Variants in USP34 observed in about 807,000 individuals in gnomAD.
USP34 encodes ubiquitin specific peptidase 34.
In USP34, 70 loss-of-function variants were observed where a neutral mutation model predicts 460.3. That is an observed-to-expected ratio of 0.15 (90% CI 0.13 to 0.19). The LOEUF (loss-of-function observed/expected upper bound fraction) is 0.19, where lower values mean the gene tolerates loss of function less well. Among genes scored for constraint, USP34 ranks in the 10% least tolerant of loss-of-function variants. USP34 has a pLI of 1.00. For synonymous variants in USP34, 1,647 were observed against 1,405.3 expected, an observed-to-expected ratio of 1.17 and a Z score of -3.85; for missense variants, 3,985 against 4,236.2, an observed-to-expected ratio of 0.94 and a Z score of 1.65.
intron 3 of USP34, among the ~76,000 whole-genome samples, chr2:61,401,022 G>A (rs188890281): frequency 1.1e-4 from 16 of 151,328 alleles, no homozygotes; most frequent in East Asian, 5.9e-4. Context: ...TTTTGGGTGC[G>A]CGCCTGTAGT....
At chr2:61,262,130 TATAG>T (rs59881307) in intron 43 of USP34, among the ~76,000 whole-genome samples, 4,089 of 113,480 alleles carry the variant, frequency 0.036, 185 homozygotes, top group African/African-American at 0.082. Flanking sequence ...TATATATATA[TATAG>T]ATAGATAGAT....
intron 1 of USP34, among the ~76,000 whole-genome samples, chr2:61,428,698 C>T (rs1166564941): frequency 3.9e-5 from 6 of 152,114 alleles, no homozygotes; most frequent in Non-Finnish European, 7.3e-5. Context: ...AAGCAAGCCA[C>T]GGAACGAGCA....
In USP34 at chr2:61,241,834, A is replaced by G; in HGVS notation, c.6628-15T>C. On this transcript the variant is annotated splice_polypyrimidine_tract_variant and intron_variant, in intron 51 of 79. Transcript: ENST00000398571. Reference sequence around the variant, plus strand: ...TAGGTCTTGGTCTGTTTAAAAATACAAAAGTTTTACTTCTTTGAAAAAATG... The same window carrying G: ...TAGGTCTTGGTCTGTTTAAAAATACGAAAGTTTTACTTCTTTGAAAAAATG... The G allele has an allele frequency of 1.4e-6, 2 of 1,456,168 alleles. No individual in the cohort carries two copies. The highest frequency in any genetic ancestry group is 1.8e-6 in the Non-Finnish European group (2 of 1,081,302). The allele number at this position is 1,456,168 out of a possible 1,614,324, so 90.2% of individuals were successfully genotyped here. A position where few individuals can be genotyped will look rare whatever the true frequency, so the allele number is the denominator to read the frequency against.
chr2:61,423,343 CA>C (rs1412774054), intron 1 of USP34, among the ~76,000 whole-genome samples: 4 of 152,008 alleles, frequency 2.6e-5, no homozygotes, highest in South Asian at 2.1e-4. Context: ...AACTCCTGAT[CA>C]TAAGTGATAT....
intron 2 of USP34, chr2:61,416,786 A>T: frequency 2.5e-6 from 1 of 405,842 alleles, no homozygotes; most frequent in Non-Finnish European, 4.3e-6. Context: ...TGGTAAACAA[A>T]CATGTGTTAT....
chr2:61,422,684 T>C (rs145587644), intron 1 of USP34, among the ~76,000 whole-genome samples: 8 of 152,292 alleles, frequency 5.3e-5, no homozygotes, highest in Admixed American at 3.3e-4. Flanking sequence ...ACAGATAACA[T>C]GAACCAACAG....
intron 10 of USP34, among the ~76,000 whole-genome samples, chr2:61,367,459 G>A (rs921936104): frequency 3.9e-5 from 6 of 152,146 alleles, no homozygotes; most frequent in Non-Finnish European, 5.9e-5. Flanking sequence ...GCCTAGGTGA[G>A]GGCTGGAGAC....
intron 21 of USP34, among the ~76,000 whole-genome samples, chr2:61,321,614 A>C (rs538753724): frequency 3.7e-4 from 56 of 152,380 alleles, no homozygotes; most frequent in African/African-American, 1.3e-3. Flanking sequence ...CAAAGGAGAT[A>C]TCTTACAGCC....
chr2:61,372,241 A>C (rs1458036218), intron 8 of USP34, among the ~76,000 whole-genome samples: 1 of 152,120 alleles, frequency 6.6e-6, no homozygotes, highest in Non-Finnish European at 1.5e-5. Flanking sequence ...AAAAAAAACC[A>C]CTAGGACTTA....
At chr2:61,292,154 G>C (rs575916390) in intron 33 of USP34, among the ~76,000 whole-genome samples, 5 of 152,008 alleles carry the variant, frequency 3.3e-5, no homozygotes, top group Admixed American at 3.3e-4. Flanking sequence ...AGTAAAAACA[G>C]TACATTTTGG....
At position 61,331,350 on chromosome 2, in the gene USP34, G is replaced by T. The variant is rs1247631072; in HGVS notation, c.2856C>A (p.Asn952Lys). 6.2e-7 allele frequency: 1 copy of T among 1,611,114 alleles called. No individual in the cohort carries two copies. Among genetic ancestry groups the T allele is most frequent in the African/African-American group, 1.3e-5 (1 of 74,942 alleles). Residue 952 changes from asparagine (N) to lysine (K), a missense_variant, in exon 20 of 80, where the codon AAC becomes AAA. Physicochemically the swap from Asn to Lys is moderately conservative, Grantham distance 94. Around this residue, in one of 14 missense-constraint regions of USP34, gnomAD observed 1,114 missense variants for 1,122.5 expected, o/e 0.99. Coordinates refer to ENST00000398571, the MANE Select transcript of USP34 (RefSeq NM_014709.4). ...WITMWAEKEL[N>K]MMKLFFDNLV... ...AATTATCAAAGAAAAGCTTCATCAT[G>T]TTCAGTTCTTTTTCTGCCCACCTGG...
At chr2:61,209,031 T>A (rs1200499742) in intron 69 of USP34, 54 bp from the exon 70 acceptor site, 1 of 1,107,760 alleles carries the variant, frequency 9.0e-7, no homozygotes, top group East Asian at 2.7e-5. Context: ...ACACAACACT[T>A]AGGTGATGAA....
At chr2:61,222,703 T>C in intron 64 of USP34, 40 bp from the exon 65 acceptor site, 1 of 1,594,198 alleles carries the variant, frequency 6.3e-7, no homozygotes, top group Non-Finnish European at 8.6e-7. Context: ...ATTCTTGTTT[T>C]GTTTTGTTTT....
In USP34 at chr2:61,281,105, T is replaced by G; in HGVS notation, c.5136A>C (p.Ala1712=). ...TLLKFLPDAQ[A]LKPIRIDDYE... ...AAAATCTTACCCTAATAGGTTTGAGTGCTTGAGCATCAGGAAGAAATTTCA... is the reference window on the plus strand; with the variant it reads ...AAAATCTTACCCTAATAGGTTTGAGGGCTTGAGCATCAGGAAGAAATTTCA... The change falls in exon 38 of 80, where the codon GCA becomes GCC. Residue 1712 remains alanine (A), a synonymous_variant. Coordinates refer to ENST00000398571, the MANE Select transcript of USP34 (RefSeq NM_014709.4). 1 of 1,613,570 alleles carries G rather than the reference T, an allele frequency of 6.2e-7. No homozygotes were observed.
intron 59 of USP34, among the ~76,000 whole-genome samples, chr2:61,229,341 G>T (rs927079274): frequency 6.6e-6 from 1 of 151,032 alleles, no homozygotes; most frequent in African/African-American, 2.4e-5. Flanking sequence ...AAAAATTAGG[G>T]CTAAGCATGG....
intron 34 of USP34, among the ~76,000 whole-genome samples, chr2:61,287,212 C>T (rs1249549961): frequency 3.9e-5 from 6 of 152,186 alleles, no homozygotes; most frequent in African/African-American, 1.4e-4. Context: ...TATACCAGTA[C>T]TTTCTAACCT....
chr2:61,205,785 T>G (rs1687102692), intron 72 of USP34, among the ~76,000 whole-genome samples: 1 of 152,236 alleles, frequency 6.6e-6, no homozygotes, highest in South Asian at 2.1e-4. Context: ...AGAGATGAAC[T>G]AAGGTCGGGG....
chr2:61,441,365 C>G (rs535668079), intron 1 of USP34, among the ~76,000 whole-genome samples: 4 of 152,172 alleles, frequency 2.6e-5, no homozygotes, highest in South Asian at 4.1e-4. Context: ...TGCGCCCCAC[C>G]TCCCAGCCCC....
intron 53 of USP34, among the ~76,000 whole-genome samples, chr2:61,240,655 C>A (rs1043592765): frequency 6.7e-6 from 1 of 149,908 alleles, no homozygotes; most frequent in African/African-American, 2.5e-5. Context: ...TTCACTATAA[C>A]CTCCGCCTCT....
Sources: allele counts gnomAD v4.1 joint callset (sites outside exome capture counted in the v4.1 genomes callset), GRCh38; gene constraint gnomAD v4.1.1; regional missense constraint gnomAD v4.1.1; transcripts MANE v1.5; gene names NCBI Gene and HGNC (gene_info 2026-07-23, HGNC 2026-07-21).